The following CLIP1 variants were observed in gnomAD, a reference collection of about 807,000 sequenced individuals.
The protein encoded by CLIP1 is CAP-Gly domain containing linker protein 1, also known as CAP-Gly domain-containing linker protein 1.
CLIP1 carries 66 observed loss-of-function variants against 161.6 expected under a neutral mutation model. The observed-to-expected ratio is 0.41, with a 90% CI of 0.33 to 0.50. CLIP1 has a LOEUF of 0.50. Ranked by LOEUF, CLIP1 falls within the 20% of genes least tolerant of loss-of-function variation. CLIP1 has a pLI of 0.27. For missense variants in CLIP1, 1,376 were observed against 1,702.0 expected (o/e 0.81, Z 3.37); for synonymous variants, 598 against 626.2 (o/e 0.96, Z 0.67).
chr12:122,327,881 C>A (rs1057010773), intron 17 of CLIP1, 66 bp downstream of exon 17: 3 of 1,483,298 alleles, frequency 2.0e-6, no homozygotes, highest in South Asian at 1.2e-5. Flanking sequence ...TTTCTAAGCA[C>A]CCTTCCTGCC....
intron 4 of CLIP1, among the ~76,000 whole-genome samples, chr12:122,361,937 T>C (rs190385398): frequency 5.9e-5 from 9 of 152,162 alleles, no homozygotes; most frequent in Admixed American, 3.3e-4. Context: ...CAAAAACCTA[T>C]TGAAATAAGT....
At position 122,311,261 on chromosome 12, in the gene CLIP1, TG is replaced by T; in HGVS notation, c.3474-1380del. ...GTCACTGCCTTCATGAGTGGCTACA[TG>T]GTGTCTGCATGTGTGTGGCCTGTCA... On this transcript the variant is annotated intron_variant, in intron 19 of 25. Transcript: ENST00000620786. This position sits in a 1 kb window ranked among gnomAD's most constrained non-coding sequence, Gnocchi z 4.3. 6.6e-6 allele frequency among the ~76,000 whole-genome samples: 1 copy of T among 152,052 alleles called. No individual in the cohort carries two copies. Among genetic ancestry groups the T allele is most frequent in the African/African-American group, 2.4e-5 (1 of 41,388 alleles).
intron 5 of CLIP1, chr12:122,356,047 A>G (rs1953330663): frequency 6.6e-6 from 1 of 152,246 alleles, no homozygotes; most frequent in Non-Finnish European, 1.5e-5. Flanking sequence ...ATCTTTCCTC[A>G]ATTAATAACT....
At position 122,330,597 on chromosome 12, in the gene CLIP1, G is replaced by GTTTTTTTTTTTTTTTTTTTTTTT. The variant is rs71082966; in HGVS notation, c.2868-2172_2868-2171insAAAAAAAAAAAAAAAAAAAAAAA. ...TTCAGCACTGAAGAAGTATAATGCA[G>GTTTTTTTTTTTTTTTTTTTTTTT]TTTTTTTTTTTTTTTTTTTTGAGAT... On this transcript the variant is annotated intron_variant, in intron 15 of 25. Transcript: ENST00000620786. 2.4e-4 allele frequency among the ~76,000 whole-genome samples: 24 copies of GTTTTTTTTTTTTTTTTTTTTTTT among 101,378 alleles called. 5 individuals carry two copies. Among genetic ancestry groups the GTTTTTTTTTTTTTTTTTTTTTTT allele is most frequent in the African/African-American group, 1.1e-3 (24 of 22,776 alleles). 66.5% of individuals were successfully genotyped at this position (101,378 alleles called of 152,430 possible).
At chr12:122,300,919 T>G (rs1950655098) in intron 20 of CLIP1, among the ~76,000 whole-genome samples, 1 of 152,238 alleles carries the variant, frequency 6.6e-6, no homozygotes, top group Non-Finnish European at 1.5e-5. Flanking sequence ...ACATGCCTCC[T>G]GGCAGGACAC....
intron 12 of CLIP1, among the ~76,000 whole-genome samples, chr12:122,336,004 G>C (rs1259297274): frequency 2.0e-5 from 3 of 152,084 alleles, no homozygotes; most frequent in Non-Finnish European, 1.5e-5. Context: ...CTACTCATGA[G>C]TATCAGCCTT....
chr12:122,354,907 A>G, intron 6 of CLIP1: 3 of 601,446 alleles, frequency 5.0e-6, no homozygotes, highest in Admixed American at 3.0e-5. Flanking sequence ...CCAAACACTA[A>G]GGTCGAATCA....
chr12:122,368,699 T>C (rs988272991), intron 3 of CLIP1, among the ~76,000 whole-genome samples: 2 of 152,186 alleles, frequency 1.3e-5, no homozygotes, highest in East Asian at 3.9e-4. Context: ...TCCTAGCTCT[T>C]TGGGAGGCCG....
intron 18 of CLIP1, among the ~76,000 whole-genome samples, chr12:122,318,011 T>G (rs1247908531): frequency 6.6e-6 from 1 of 152,268 alleles, no homozygotes; most frequent in Non-Finnish European, 1.5e-5. Flanking sequence ...AATGCTTTTA[T>G]ACTTTTAGTT....
At position 122,330,597 on chromosome 12, in the gene CLIP1, G is replaced by GTTTTTTTTTTTTTTT. The variant is rs71082966; in HGVS notation, c.2868-2186_2868-2172dup. The stretch of plus-strand genomic sequence containing the variant: ...TTCAGCACTGAAGAAGTATAATGCA[G>GTTTTTTTTTTTTTTT]TTTTTTTTTTTTTTTTTTTTGAGAT... On this transcript the variant is annotated intron_variant, in intron 15 of 25. Coordinates refer to ENST00000620786, the MANE Select transcript of CLIP1 (RefSeq NM_001247997.2). Among the ~76,000 whole-genome samples, 28 of 101,380 alleles carry GTTTTTTTTTTTTTTT rather than the reference G, an allele frequency of 2.8e-4. 3 individuals carry two copies. The highest frequency in any genetic ancestry group is 1.2e-3 in the African/African-American group (28 of 22,778). 66.5% of individuals were successfully genotyped at this position (101,380 alleles called of 152,430 possible).
Position 122,293,313 on chromosome 12 carries a change from C to T in CLIP1, c.3595-4772G>A, listed in dbSNP as rs1950330326. Reference sequence around the variant, plus strand: ...CACATGCCACCTGGGCACCCAAGCCCTCCATCCCAGTGGTTCCCTAGTTGG... The same window carrying T: ...CACATGCCACCTGGGCACCCAAGCCTTCCATCCCAGTGGTTCCCTAGTTGG... On this transcript the variant is annotated intron_variant, in intron 20 of 25. Transcript: ENST00000620786. 2.0e-5 allele frequency among the ~76,000 whole-genome samples: 3 copies of T among 152,166 alleles called. No individual in the cohort carries two copies. The South Asian group carries it at 6.2e-4, about 32-fold the overall frequency.
chr12:122,298,030 T>C (rs1015918216), intron 20 of CLIP1, among the ~76,000 whole-genome samples: 1 of 152,078 alleles, frequency 6.6e-6, no homozygotes, highest in African/African-American at 2.4e-5. Context: ...GCTCCAGAGC[T>C]CCCCACGGCA....
intron 3 of CLIP1, among the ~76,000 whole-genome samples, chr12:122,371,914 G>A (rs976773898): frequency 1.3e-5 from 2 of 152,316 alleles, no homozygotes; most frequent in Non-Finnish European, 2.9e-5. Context: ...AGCATAAGGG[G>A]CCATGTATTT....
At chr12:122,382,178 A>G (rs993170364) in intron 1 of CLIP1, among the ~76,000 whole-genome samples, 15 of 152,072 alleles carry the variant, frequency 9.9e-5, no homozygotes, top group African/African-American at 3.1e-4. Flanking sequence ...CCTGACCAAC[A>G]TGGAGAAACT....
At chr12:122,292,639 T>G (rs1818383807) in intron 20 of CLIP1, among the ~76,000 whole-genome samples, 1 of 152,210 alleles carries the variant, frequency 6.6e-6, no homozygotes, top group South Asian at 2.1e-4. Flanking sequence ...CTGGGTTTTG[T>G]TACTTCTAAG....
chr12:122,281,225 G>A (rs538478218), intron 21 of CLIP1, among the ~76,000 whole-genome samples: 10 of 152,296 alleles, frequency 6.6e-5, no homozygotes, highest in South Asian at 6.2e-4. Flanking sequence ...CATTACTCAC[G>A]CACTGGCAAC....
chr12:122,322,822 A>C (rs868181), intron 17 of CLIP1: 76,760 of 152,458 alleles, frequency 0.5, 22,462 homozygotes, highest in Non-Finnish European at 0.64. Flanking sequence ...CTCTCAGCAA[A>C]ATGTTCTTCT....
intron 1 of CLIP1, among the ~76,000 whole-genome samples, chr12:122,391,455 G>A (rs7953204): frequency 0.61 from 93,037 of 151,666 alleles, 28,923 homozygotes; most frequent in Non-Finnish European, 0.64. Context: ...GCATAGTGGC[G>A]GGTGCCTGTA....
At chr12:122,305,424 C>CT (rs1730744247) in intron 20 of CLIP1, among the ~76,000 whole-genome samples, 1 of 152,212 alleles carries the variant, frequency 6.6e-6, no homozygotes, top group Non-Finnish European at 1.5e-5. Flanking sequence ...AAGTGAGACT[C>CT]TGTCTCTTAA....
Sources: gnomAD v4.1 joint callset for allele counts (sites outside exome capture counted in the v4.1 genomes callset) on GRCh38, gnomAD v4.1.1 for gene constraint, Gnocchi (gnomAD v3.1) non-coding constraint, MANE v1.5 for transcripts, NCBI Gene and HGNC (gene_info 2026-07-23, HGNC 2026-07-21) for gene names.